The following CREB5 variants were observed in gnomAD, a reference collection of about 807,000 sequenced individuals.
CREB5 encodes cAMP responsive element binding protein 5.
CREB5 carries 19 observed loss-of-function variants against 57.1 expected under a neutral mutation model. That is an observed-to-expected ratio of 0.33 (90% CI 0.23 to 0.49). The LOEUF is 0.49. CREB5 is among the 20% of genes least tolerant of loss of function. CREB5 has a pLI of 0.99. For synonymous variants in CREB5, 238 were observed against 238.3 expected (o/e 1.00, Z 0.01); for missense variants, 579 against 671.6 (o/e 0.86, Z 1.52).
At chr7:28,514,995 G>C (rs1792884725) in intron 4 of CREB5, among the ~76,000 whole-genome samples, 1 of 152,088 alleles carries the variant, frequency 6.6e-6, no homozygotes, top group African/African-American at 2.4e-5. Flanking sequence ...AAATATTGCA[G>C]AGTAAAATAG....
At chr7:28,745,929 G>A (rs1041808950) in intron 7 of CREB5, among the ~76,000 whole-genome samples, 2 of 152,124 alleles carry the variant, frequency 1.3e-5, no homozygotes, top group African/African-American at 2.4e-5. Context: ...CTAAGAACAC[G>A]CACTTCCTCC....
intron 5 of CREB5, among the ~76,000 whole-genome samples, chr7:28,655,566 G>A (rs1053633750): frequency 3.9e-5 from 6 of 152,106 alleles, no homozygotes; most frequent in Admixed American, 1.3e-4. Context: ...TGTGAGCTGC[G>A]TTCATGCCAC....
chr7:28,785,337 G>A (rs541952603), intron 7 of CREB5, among the ~76,000 whole-genome samples: 2 of 152,166 alleles, frequency 1.3e-5, no homozygotes, highest in African/African-American at 4.8e-5. Flanking sequence ...TGCATGGAAC[G>A]GCCCAGAACT....
chr7:28,302,951 C>G (rs922847135), intron 1 of CREB5, among the ~76,000 whole-genome samples: 1 of 152,004 alleles, frequency 6.6e-6, no homozygotes, highest in Non-Finnish European at 1.5e-5. Flanking sequence ...GGTTGCTCTC[C>G]CATCACCCCT....
intron 1 of CREB5, among the ~76,000 whole-genome samples, chr7:28,360,885 C>T (rs1287853542): frequency 1.3e-5 from 2 of 152,088 alleles, no homozygotes; most frequent in Non-Finnish European, 2.9e-5. Context: ...CAGTGATTCT[C>T]CACTGGGGGA....
chr7:28,347,441 C>CA (rs1207808636), intron 1 of CREB5, among the ~76,000 whole-genome samples: 2 of 152,192 alleles, frequency 1.3e-5, no homozygotes, highest in Admixed American at 6.5e-5. Context: ...ATTCTTATAT[C>CA]AAAAAATCTT....
At chr7:28,798,022 A>G (rs1411591877) in intron 7 of CREB5, among the ~76,000 whole-genome samples, 4 of 151,934 alleles carry the variant, frequency 2.6e-5, no homozygotes, top group Admixed American at 2.0e-4. Flanking sequence ...ATTATTTTGT[A>G]TTTGGAAGGA....
chr7:28,785,760 A>G (rs1807287560), intron 7 of CREB5, among the ~76,000 whole-genome samples: 1 of 152,172 alleles, frequency 6.6e-6, no homozygotes, highest in Admixed American at 6.5e-5. Flanking sequence ...GGAGAGAGGA[A>G]TTAAAGTAAT....
chr7:28,309,613 G>A (rs1785241866), intron 1 of CREB5, among the ~76,000 whole-genome samples: 1 of 152,140 alleles, frequency 6.6e-6, no homozygotes, highest in Non-Finnish European at 1.5e-5. Context: ...AGTTGATTTT[G>A]CCAATGCCAG....
At chr7:28,588,979 A>C (rs972143462) in intron 5 of CREB5, among the ~76,000 whole-genome samples, 2 of 152,154 alleles carry the variant, frequency 1.3e-5, no homozygotes, top group African/African-American at 4.8e-5. Flanking sequence ...CAGCTTTCTA[A>C]ATAAGTGTGG....
At chr7:28,733,442 C>T (rs977280051) in intron 7 of CREB5, among the ~76,000 whole-genome samples, 6 of 152,296 alleles carry the variant, frequency 3.9e-5, no homozygotes, top group Non-Finnish European at 7.3e-5. Context: ...CTCAGGAGCC[C>T]GGCATTTTCC....
chr7:28,597,890 T>C (rs1208349008), intron 5 of CREB5, among the ~76,000 whole-genome samples: 1 of 152,192 alleles, frequency 6.6e-6, no homozygotes, highest in Admixed American at 6.5e-5. Flanking sequence ...CAATACATGG[T>C]CACTACATTT....
chr7:28,601,759 A>G (rs904671946), intron 5 of CREB5, among the ~76,000 whole-genome samples: 5 of 152,194 alleles, frequency 3.3e-5, no homozygotes, highest in Admixed American at 1.3e-4. Flanking sequence ...AGGCAGATCA[A>G]AACCACTCAG....
At chr7:28,743,804 C>T (rs908566967) in intron 7 of CREB5, among the ~76,000 whole-genome samples, 13 of 128,834 alleles carry the variant, frequency 1.0e-4, no homozygotes, top group Non-Finnish European at 4.8e-5. Context: ...CCCGGTCTTT[C>T]TTCTCTGCTG....
intron 7 of CREB5, among the ~76,000 whole-genome samples, chr7:28,769,472 T>C (rs1425420616): frequency 6.6e-6 from 1 of 152,190 alleles, no homozygotes; most frequent in African/African-American, 2.4e-5. Context: ...TATAATTATG[T>C]ACCAAATAAA....
In CREB5 at chr7:28,791,733, T is replaced by G. The variant is rs73308854; in HGVS notation, c.703-12466T>G. Among the ~76,000 whole-genome samples, 958 of 152,340 alleles carry G rather than the reference T, an allele frequency of 6.3e-3. 14 individuals are homozygous for G. Among genetic ancestry groups the G allele is most frequent in the African/African-American group, 0.022 (920 of 41,568 alleles). ...AAGACAGATCATGAAAATGATATCTTAAGCTTGTAAGAAGATAAATTTTTA... is the reference window on the plus strand; with the variant it reads ...AAGACAGATCATGAAAATGATATCTGAAGCTTGTAAGAAGATAAATTTTTA... On this transcript the variant is annotated intron_variant, in intron 7 of 10. Transcript: ENST00000357727.
chr7:28,682,510 C>T (rs976734563), intron 5 of CREB5, among the ~76,000 whole-genome samples: 3 of 152,138 alleles, frequency 2.0e-5, no homozygotes, highest in African/African-American at 4.8e-5. Context: ...ATTTTTAATA[C>T]TAGGTTTATG....
chr7:28,477,593 C>A (rs574725183), intron 1 of CREB5, among the ~76,000 whole-genome samples: 41 of 152,160 alleles, frequency 2.7e-4, no homozygotes, highest in Non-Finnish European at 4.9e-4. Flanking sequence ...GAAGGCCCTG[C>A]GTTTGTTTAT....
chr7:28,479,932 T>G (rs909760385), intron 1 of CREB5, among the ~76,000 whole-genome samples: 2 of 152,110 alleles, frequency 1.3e-5, no homozygotes. Context: ...TTTTCAGATG[T>G]TTTGAGTATG....
Sources: allele counts gnomAD v4.1 joint callset (sites outside exome capture counted in the v4.1 genomes callset), GRCh38; gene constraint gnomAD v4.1.1; transcripts MANE v1.5; gene names NCBI Gene and HGNC (gene_info 2026-07-23, HGNC 2026-07-21).